RAC2: variants seen among roughly 807,000 people sequenced by gnomAD.
RAC2 encodes ras-related C3 botulinum toxin substrate 2.
RAC2 carries 1 observed loss-of-function variant against 24.0 expected under a neutral mutation model. The ratio of observed to expected loss-of-function variants is 0.04; its 90% confidence interval spans 0.01 to 0.20. The LOEUF (loss-of-function observed/expected upper bound fraction) is 0.20, where lower values mean the gene tolerates loss of function less well. RAC2 is among the 10% of genes least tolerant of loss of function. The pLI, the probability that RAC2 is intolerant of heterozygous loss-of-function variation, is 1.00. For missense variants in RAC2, 130 were observed against 259.1 expected, an observed-to-expected ratio of 0.50 and a Z score of 3.42; for synonymous variants, 114 against 106.8, an observed-to-expected ratio of 1.07 and a Z score of -0.41.
At chr22:37,241,523 G>A (rs1927390561) in intron 2 of RAC2, 64 bp downstream of exon 2, 3 of 1,517,826 alleles carry the variant, frequency 2.0e-6, no homozygotes, top group East Asian at 4.5e-5. Flanking sequence ...TGCCTGAAAG[G>A]GGGGTCGACT....
intron 5 of RAC2, among the ~76,000 whole-genome samples, chr22:37,229,421 C>G (rs540274489): frequency 6.6e-6 from 1 of 152,192 alleles, no homozygotes; most frequent in Non-Finnish European, 1.5e-5. Flanking sequence ...CATGTCCCCC[C>G]GAGCCTGTTT....
intron 2 of RAC2, among the ~76,000 whole-genome samples, chr22:37,234,475 C>T (rs927866999): frequency 6.6e-6 from 1 of 152,216 alleles, no homozygotes; most frequent in South Asian, 2.1e-4. Flanking sequence ...CCCCAGGCCA[C>T]AGCTGTGCCT....
intron 5 of RAC2, among the ~76,000 whole-genome samples, chr22:37,229,339 C>T (rs1047935741): frequency 2.6e-5 from 4 of 152,150 alleles, no homozygotes; most frequent in Admixed American, 6.5e-5. Context: ...GGACAGATGG[C>T]CCTCAGCTTT....
At chr22:37,226,896 C>T in intron 5 of RAC2, 93 bp from the exon 6 acceptor site, 1 of 1,497,696 alleles carries the variant, frequency 6.7e-7, no homozygotes, top group East Asian at 2.3e-5. Flanking sequence ...CCCTTCCACG[C>T]CATACACCCC....
intron 1 of RAC2, among the ~76,000 whole-genome samples, chr22:37,243,140 A>G (rs1466040753): frequency 6.6e-6 from 1 of 152,156 alleles, no homozygotes; most frequent in Non-Finnish European, 1.5e-5. Flanking sequence ...CTGGGACTGC[A>G]GGCGCATATG....
chr22:37,232,751 G>C (rs752473596), intron 3 of RAC2, 50 bp downstream of exon 3: 51 of 1,493,168 alleles, frequency 3.4e-5, no homozygotes, highest in Non-Finnish European at 4.8e-5. Flanking sequence ...CAAGCAGAGG[G>C]AACAGAGACA....
chr22:37,231,669 G>A lies in RAC2; in HGVS notation c.288+263C>T, dbSNP rs890246594. Among the ~76,000 whole-genome samples, 10 of 152,012 alleles carry A rather than the reference G, an allele frequency of 6.6e-5. No homozygotes were observed. Among genetic ancestry groups the A allele is most frequent in the Non-Finnish European group, 1.2e-4 (8 of 67,996 alleles). ...GCAAACATGAGGTTATGTGACAATCGGAGGCGGACATGAGGTTGTGTGGGG... is the reference window on the plus strand; with the variant it reads ...GCAAACATGAGGTTATGTGACAATCAGAGGCGGACATGAGGTTGTGTGGGG... On this transcript the variant is annotated intron_variant, in intron 4 of 6. Coordinates refer to ENST00000249071, the MANE Select transcript of RAC2 (RefSeq NM_002872.5). The surrounding 1 kb of genome is among the most constrained non-coding windows in gnomAD (Gnocchi z 5.5).
At chr22:37,228,793 G>A (rs1465347177) in intron 5 of RAC2, among the ~76,000 whole-genome samples, 1 of 152,230 alleles carries the variant, frequency 6.6e-6, no homozygotes, top group Non-Finnish European at 1.5e-5. Flanking sequence ...GTGCTGGGGA[G>A]AAAGGAAGGG....
rs1926814364 is a variant in RAC2, at chr22:37,225,802, C to G, written c.*240G>C. 6.6e-6 allele frequency: 1 copy of G among 152,248 alleles called. No homozygotes were observed. Among genetic ancestry groups the G allele is most frequent in the African/African-American group, 2.4e-5 (1 of 41,430 alleles). 9.4% of individuals were successfully genotyped at this position (152,248 alleles called of 1,614,324 possible). On this transcript the variant is annotated 3_prime_UTR_variant, in exon 7 of 7. Coordinates refer to ENST00000249071, the MANE Select transcript of RAC2 (RefSeq NM_002872.5). The stretch of plus-strand genomic sequence containing the variant: ...GGGTGGCTTAATGGGTCCTGGGGCT[C>G]CCCTCTGGCCCTCAGGAAGGCAGGA...
In RAC2 at chr22:37,231,072, A is replaced by G. The variant is rs1260934512; in HGVS notation, c.448+159T>C. On this transcript the variant is annotated intron_variant, in intron 5 of 6. Transcript: ENST00000249071. The surrounding 1 kb of genome is among the most constrained non-coding windows in gnomAD (Gnocchi z 5.5). ...CTGATAAGGAAACACAGGCAGAGAG[A>G]GGCTACGTGACTCGCCCAAGGTCAC... is the stretch of plus-strand genomic sequence containing the variant. Among the ~76,000 whole-genome samples the G allele has an allele frequency of 1.3e-5, 2 of 152,174 alleles. No homozygotes were observed. Among genetic ancestry groups the G allele is most frequent in the Non-Finnish European group, 2.9e-5 (2 of 68,026 alleles).
In RAC2 at chr22:37,243,173, A is replaced by T. The variant is rs188504473; in HGVS notation, c.35+941T>A. 2.3e-3 allele frequency among the ~76,000 whole-genome samples: 355 copies of T among 152,150 alleles called. 2 individuals are homozygous for T. Among genetic ancestry groups the T allele is most frequent in the African/African-American group, 7.8e-3 (325 of 41,484 alleles). ...ATGCCACCACTCCTGGCTTAAAAAA[A>T]TTTTTTTATAGACATAGGTTCTCGC... On this transcript the variant is annotated intron_variant, in intron 1 of 6. Transcript: ENST00000249071.
intron 2 of RAC2, among the ~76,000 whole-genome samples, chr22:37,237,284 A>G (rs1228127656): frequency 1.3e-5 from 2 of 151,354 alleles, no homozygotes; most frequent in African/African-American, 4.9e-5. Context: ...GGGAGGGGCC[A>G]GAGGGGAACA....
chr22:37,227,803 G>A (rs1311318666), intron 5 of RAC2, among the ~76,000 whole-genome samples: 1 of 151,892 alleles, frequency 6.6e-6, no homozygotes, highest in Non-Finnish European at 1.5e-5. Context: ...GGAGTTTAAC[G>A]TCACCGTGCC....
In RAC2 at chr22:37,231,790, T is replaced by A; in HGVS notation, c.288+142A>T. The stretch of plus-strand genomic sequence containing the variant: ...TGAATCTTACCCCCTCAAGTCCCTC[T>A]GCCAGCCCTGGTTGGCACTGGGGAC... On this transcript the variant is annotated intron_variant, in intron 4 of 6. Coordinates refer to ENST00000249071, the MANE Select transcript of RAC2 (RefSeq NM_002872.5). The surrounding 1 kb of genome is among the most constrained non-coding windows in gnomAD (Gnocchi z 5.5). 1 of 973,886 alleles carries A rather than the reference T, an allele frequency of 1.0e-6. No individual in the cohort carries two copies. The highest frequency in any genetic ancestry group is 1.6e-6 in the Non-Finnish European group (1 of 643,304). The allele number at this position is 973,886 out of a possible 1,614,324, so 60.3% of individuals were successfully genotyped here.
At chr22:37,237,295 G>C (rs919055944) in intron 2 of RAC2, among the ~76,000 whole-genome samples, 5 of 152,002 alleles carry the variant, frequency 3.3e-5, no homozygotes, top group Non-Finnish European at 7.4e-5. Context: ...GAGGGGAACA[G>C]AGGGGGAAAC....
chr22:37,228,602 A>G (rs1926957918), intron 5 of RAC2, among the ~76,000 whole-genome samples: 1 of 152,228 alleles, frequency 6.6e-6, no homozygotes, highest in East Asian at 1.9e-4. Context: ...GCTGGTCACC[A>G]CCTACCCTGT....
chr22:37,226,962 C>T (rs1926864428), intron 5 of RAC2, among the ~76,000 whole-genome samples, 159 bp from the exon 6 acceptor site: 2 of 142,242 alleles, frequency 1.4e-5, no homozygotes, highest in Non-Finnish European at 3.1e-5. Flanking sequence ...TACACCCCTC[C>T]CACGCCATAC....
intron 2 of RAC2, among the ~76,000 whole-genome samples, chr22:37,238,625 A>G (rs370074322): frequency 8.5e-5 from 13 of 152,346 alleles, no homozygotes; most frequent in African/African-American, 3.1e-4. Context: ...CCTCTATGCC[A>G]CAGGCACACG....
At position 37,226,802 on chromosome 22, in the gene RAC2, G is replaced by A. The variant is rs781040687; in HGVS notation, c.450C>T (p.Asp150=). 1.2e-6 allele frequency: 2 copies of A among 1,612,600 alleles called. No homozygotes were observed. Among genetic ancestry groups the A allele is most frequent in the South Asian group, 1.1e-5 (1 of 91,068 alleles). The change falls in exon 6 of 7, where the codon GAC becomes GAT. Residue 150 remains aspartate (D), a splice_region_variant and synonymous_variant. Transcript: ENST00000249071. The stretch of plus-strand genomic sequence containing the variant: ...CTGAGCACTCCAGGTATTTCACCGA[G>A]TCTGGTTGGGGAGATGGACAGGAGA... The part of the protein sequence containing the change: ...PQGLALAKEI[D]SVKYLECSAL...
Sources: gnomAD v4.1 joint callset for allele counts (sites outside exome capture counted in the v4.1 genomes callset) on GRCh38, gnomAD v4.1.1 for gene constraint, Gnocchi (gnomAD v3.1) non-coding constraint, MANE v1.5 for transcripts, NCBI Gene and HGNC (gene_info 2026-07-23, HGNC 2026-07-21) for gene names.